The following VWA8 variants were observed in gnomAD, a reference collection of about 807,000 sequenced individuals.
The protein encoded by VWA8 is von Willebrand factor A domain-containing protein 8.
A neutral mutation model predicts 241.5 loss-of-function variants in VWA8; 221 were observed. The observed-to-expected ratio is 0.91, with a 90% confidence interval of 0.82 to 1.02. The LOEUF (loss-of-function observed/expected upper bound fraction) is 1.02, where lower values mean the gene tolerates loss of function less well. Ranked by LOEUF, VWA8 falls within the 50% of genes least tolerant of loss-of-function variation. The pLI, the probability that VWA8 is intolerant of heterozygous loss-of-function variation, is 0.00. For missense variants in VWA8, 2,322 were observed against 2,328.7 expected, an observed-to-expected ratio of 1.00 and a Z score of 0.06; for synonymous variants, 852 against 827.1, an observed-to-expected ratio of 1.03 and a Z score of -0.52.
intron 40 of VWA8, among the ~76,000 whole-genome samples, chr13:41,593,176 T>C (rs2044467492): frequency 6.6e-6 from 1 of 152,212 alleles, no homozygotes; most frequent in Non-Finnish European, 1.5e-5. Flanking sequence ...TATTACAGTA[T>C]GTATTGTTTT....
chr13:41,724,478 A>G (rs575886660), intron 24 of VWA8, among the ~76,000 whole-genome samples: 1 of 152,278 alleles, frequency 6.6e-6, no homozygotes, highest in East Asian at 1.9e-4. Context: ...GAACAGCTAG[A>G]GCAGCAACCT....
intron 44 of VWA8, among the ~76,000 whole-genome samples, chr13:41,569,127 C>T (rs868357568): frequency 1.2e-4 from 18 of 152,322 alleles, no homozygotes; most frequent in Admixed American, 5.2e-4. Flanking sequence ...TTCAACCATC[C>T]TGTGTAGTAT....
At chr13:41,752,737 A>G (rs2045665453) in intron 21 of VWA8, among the ~76,000 whole-genome samples, 1 of 152,194 alleles carries the variant, frequency 6.6e-6, no homozygotes, top group African/African-American at 2.4e-5. Context: ...TTAGGTATCT[A>G]AAGGTGCCAG....
intron 17 of VWA8, among the ~76,000 whole-genome samples, chr13:41,793,144 G>C (rs1366592697): frequency 6.6e-6 from 1 of 152,022 alleles, no homozygotes; most frequent in Non-Finnish European, 1.5e-5. Context: ...CTTTCTGCTT[G>C]TAGTTTACTA....
intron 27 of VWA8, among the ~76,000 whole-genome samples, chr13:41,702,041 C>T (rs1007564927): frequency 1.3e-5 from 2 of 152,164 alleles, no homozygotes; most frequent in African/African-American, 4.8e-5. Flanking sequence ...TTACTGATAA[C>T]CACTAGTGGT....
intron 42 of VWA8, among the ~76,000 whole-genome samples, chr13:41,581,419 A>G (rs1319719975): frequency 2.6e-5 from 4 of 152,224 alleles, no homozygotes; most frequent in Admixed American, 6.5e-5. Flanking sequence ...ATGGCTTTCT[A>G]ATTCTTCCTT....
rs186929322 is a variant in VWA8, at chr13:41,721,249, A to G, written c.2964+121T>C. The stretch of plus-strand genomic sequence containing the variant: ...ATAACTTAGATTATACACATTTCAA[A>G]TCATGTAATCTGACTCATTATTGTA... On this transcript the variant is annotated intron_variant, in intron 25 of 44. Transcript: ENST00000379310. The G allele has an allele frequency of 1.3e-5, 13 of 1,007,224 alleles. No homozygotes were observed. In the African/African-American group the frequency reaches 1.9e-4, roughly 15 times the overall value. The allele number at this position is 1,007,224 out of a possible 1,614,324, so 62.4% of individuals were successfully genotyped here.
At chr13:41,645,200 TA>T (rs1273636825) in intron 37 of VWA8, among the ~76,000 whole-genome samples, 1 of 152,236 alleles carries the variant, frequency 6.6e-6, no homozygotes, top group Non-Finnish European at 1.5e-5. Context: ...CTGGCCATAC[TA>T]AATGCAATAT....
chr13:41,949,230 G>A (rs1878007577), intron 2 of VWA8, among the ~76,000 whole-genome samples: 1 of 151,928 alleles, frequency 6.6e-6, no homozygotes, highest in African/African-American at 2.4e-5. Flanking sequence ...CAACCCAAAT[G>A]CCCATCAATG....
rs2274810 is a variant in VWA8, at chr13:41,690,244, C to T, written c.3898G>A (p.Glu1300Lys). The change falls in exon 33 of 45, where the codon GAA becomes AAA. Residue 1300 changes from glutamate to lysine, a missense_variant. By Grantham distance (56) the Glu-to-Lys change is moderately conservative. Transcript: ENST00000379310. Reference protein sequence around the residue: ...KYLLTKPAHIESEGSGVCQLY... With the variant: ...KYLLTKPAHIKSEGSGVCQLY... ...TGGCAAACCCCACTACCCTCAGATTCGATGTGTGCAGGCTTAGTTAAAAGA... is the reference window on the plus strand; with the variant it reads ...TGGCAAACCCCACTACCCTCAGATTTGATGTGTGCAGGCTTAGTTAAAAGA... 0.031 allele frequency: 50,483 copies of T among 1,612,342 alleles called. 940 individuals carry two copies. The highest frequency in any genetic ancestry group is 0.043 in the Middle Eastern group (263 of 6,048).
At chr13:41,771,538 C>G (rs1232184923) in intron 20 of VWA8, among the ~76,000 whole-genome samples, 1 of 152,158 alleles carries the variant, frequency 6.6e-6, no homozygotes, top group East Asian at 1.9e-4. Flanking sequence ...CACATGTATT[C>G]TTACACAAAA....
rs1555303592 is a variant in VWA8 at position 41,573,486 on chromosome 13, A to ATATATATATATATATAT, written c.5370+2253_5370+2254insATATATATATATATATA. Among the ~76,000 whole-genome samples, 9 of 113,594 alleles carry ATATATATATATATATAT rather than the reference A, an allele frequency of 7.9e-5. No individual in the cohort carries two copies. The East Asian group carries it at 1.6e-3, about 20-fold the overall frequency. 74.5% of individuals were successfully genotyped at this position (113,594 alleles called of 152,430 possible). The stretch of plus-strand genomic sequence containing the variant: ...GGTGGCTATAGTTTAAAAAAAAAAA[A>ATATATATATATATATAT]ATATATATATATATATATATACCTC... On this transcript the variant is annotated intron_variant, in intron 43 of 44. Transcript: ENST00000379310.
At chr13:41,876,281 T>C in intron 9 of VWA8, among the ~76,000 whole-genome samples, 1 of 152,078 alleles carries the variant, frequency 6.6e-6, no homozygotes, top group Non-Finnish European at 1.5e-5. Flanking sequence ...CTAATGGTGT[T>C]CCACCTCACA....
At chr13:41,761,313 G>A in intron 20 of VWA8, 109 bp from the exon 21 acceptor site, 1 of 1,046,024 alleles carries the variant, frequency 9.6e-7, no homozygotes, top group Non-Finnish European at 1.4e-6. Flanking sequence ...CCTTGTTACT[G>A]TTTTAGTTTA....
At chr13:41,915,381 G>C (rs115688275) in intron 2 of VWA8, among the ~76,000 whole-genome samples, 2 of 152,332 alleles carry the variant, frequency 1.3e-5, no homozygotes, top group East Asian at 3.9e-4. Context: ...TTCTAGGCCT[G>C]CCAGGAGGCA....
At position 41,690,222 on chromosome 13, in the gene VWA8, C is replaced by T; in HGVS notation, c.3920G>A (p.Cys1307Tyr). 1.2e-6 allele frequency: 2 copies of T among 1,612,704 alleles called. No individual in the cohort carries two copies. Among genetic ancestry groups the T allele is most frequent in the Non-Finnish European group, 1.7e-6 (2 of 1,179,050 alleles). ...AHIESEGSGVCQLYVLKEEPP... is the reference protein window; with the variant it reads ...AHIESEGSGVYQLYVLKEEPP... ...CTCCTCTTTCAGCACATACAACTGG[C>T]AAACCCCACTACCCTCAGATTCGAT... Residue 1307 changes from cysteine (C) to tyrosine (Y), a missense_variant, in exon 33 of 45, where the codon TGC becomes TAC. By Grantham distance (194) the Cys-to-Tyr change is radical. Transcript: ENST00000379310.
chr13:41,903,471 C>T (rs1208190610), intron 4 of VWA8, among the ~76,000 whole-genome samples: 2 of 152,172 alleles, frequency 1.3e-5, no homozygotes, highest in Middle Eastern at 3.4e-3. Flanking sequence ...GTGCTAAGTG[C>T]TCTGGAGATA....
chr13:41,582,215 G>A (rs2044387361), intron 42 of VWA8, among the ~76,000 whole-genome samples: 1 of 152,132 alleles, frequency 6.6e-6, no homozygotes, highest in Non-Finnish European at 1.5e-5. Context: ...TTCCTTCTCA[G>A]TAATTCTTGC....
In VWA8 at chr13:41,830,759, T is replaced by A. The variant is rs532498043; in HGVS notation, c.1587-117A>T. On this transcript the variant is annotated intron_variant, in intron 13 of 44. Transcript: ENST00000379310. ...ATTGCTGGCAATTGAGTCTAATAAT[T>A]TTGTTAGATGGACCTTTCAAAATTT... 30 of 818,016 alleles carry A rather than the reference T, an allele frequency of 3.7e-5. No homozygotes were observed. In the African/African-American group the frequency reaches 4.3e-4, roughly 12 times the overall value. 50.7% of individuals were successfully genotyped at this position (818,016 alleles called of 1,614,324 possible).
Sources: allele counts gnomAD v4.1 joint callset (sites outside exome capture counted in the v4.1 genomes callset), GRCh38; gene constraint gnomAD v4.1.1; transcripts MANE v1.5; gene names NCBI Gene and HGNC (gene_info 2026-07-23, HGNC 2026-07-21).